BRD1: variants seen among roughly 807,000 people sequenced by gnomAD.
BRD1 encodes bromodomain-containing protein 1.
A neutral mutation model predicts 107.7 loss-of-function variants in BRD1; 24 were observed. The observed-to-expected ratio is 0.22, with a 90% CI of 0.16 to 0.31. The LOEUF is 0.31. Ranked by LOEUF, BRD1 falls within the 10% of genes least tolerant of loss-of-function variation. The pLI is 1.00. For synonymous variants in BRD1, 744 were observed against 686.1 expected, an observed-to-expected ratio of 1.08 and a Z score of -1.32; for missense variants, 1,279 against 1,638.6, an observed-to-expected ratio of 0.78 and a Z score of 3.79.
intron 2 of BRD1, 82 bp from the exon 3 acceptor site, chr22:49,804,442 G>A: frequency 6.9e-7 from 1 of 1,447,224 alleles, no homozygotes; most frequent in Non-Finnish European, 9.3e-7. Context: ...CAGTACTACT[G>A]CTAACAAAAC....
chr22:49,822,959 G>C lies in BRD1; in HGVS notation c.1359C>G (p.Pro453=), dbSNP rs375719349. The part of the protein sequence containing the change: ...VLPTVCAPYI[P]PQRLNRIANQ... Reference sequence around the variant, plus strand: ...TGCTTGGACACGCTTACCTCTGCGGGGGAATATAAGGAGCGCACACGGTCG... The same window carrying C: ...TGCTTGGACACGCTTACCTCTGCGGCGGAATATAAGGAGCGCACACGGTCG... Residue 453 remains proline, a synonymous_variant, in exon 2 of 13, where the codon CCC becomes CCG. Transcript: ENST00000404760. 3 of 1,613,738 alleles carry C rather than the reference G, an allele frequency of 1.9e-6. No homozygotes were observed. Among genetic ancestry groups the C allele is most frequent in the African/African-American group, 1.3e-5 (1 of 74,842 alleles).
At chr22:49,782,470 G>A (rs1029689992) in intron 8 of BRD1, among the ~76,000 whole-genome samples, 2 of 140,576 alleles carry the variant, frequency 1.4e-5, no homozygotes, top group Non-Finnish European at 3.1e-5. Context: ...TGCCGCTGGG[G>A]ACAGTCAGAG....
intron 2 of BRD1, chr22:49,818,406 T>A (rs754339337): frequency 1.7e-5 from 19 of 1,117,286 alleles, no homozygotes; most frequent in South Asian, 2.0e-5. Flanking sequence ...TTAAACAGAT[T>A]ATGCGTGTAT....
chr22:49,800,078 A>T (rs2047020468), intron 3 of BRD1, among the ~76,000 whole-genome samples: 1 of 152,178 alleles, frequency 6.6e-6, no homozygotes. Flanking sequence ...CACAGCCCTG[A>T]GACCCTCCTC....
chr22:49,805,008 T>C (rs912549306), intron 2 of BRD1, among the ~76,000 whole-genome samples: 3 of 152,186 alleles, frequency 2.0e-5, no homozygotes, highest in Non-Finnish European at 4.4e-5. Context: ...TTCAACCACA[T>C]CTGTGTCAGC....
intron 11 of BRD1, 58 bp downstream of exon 11, chr22:49,775,992 G>T: frequency 7.1e-7 from 1 of 1,411,720 alleles, no homozygotes; most frequent in Non-Finnish European, 9.5e-7. Flanking sequence ...GACCACCCCC[G>T]CCCCGCAGCT....
Position 49,804,311 on chromosome 22 carries a change from C to T in BRD1, c.1417G>A (p.Val473Met), listed in dbSNP as rs1371817746. The change falls in exon 3 of 13, where the codon GTG becomes ATG. Residue 473 changes from valine (V) to methionine (M), a missense_variant. Physicochemically the swap from Val to Met is conservative, Grantham distance 21. Coordinates refer to ENST00000404760, the MANE Select transcript of BRD1 (RefSeq NM_001304808.3). ...AGCCAGTAGCTGTGGGCTCGCTCCA[C>T]AAACTGCTTCTTCCGCTGAATGGCC... ...QVAIQRKKQF[V>M]ERAHSYWLLK... is the part of the protein sequence containing the mutation. The T allele has an allele frequency of 8.7e-6, 14 of 1,610,300 alleles. No individual in the cohort carries two copies. In the Admixed American group the frequency reaches 2.4e-4, roughly 27 times the overall value.
chr22:49,823,263 A>G lies in BRD1; in HGVS notation c.1055T>C (p.Val352Ala). The G allele has an allele frequency of 2.5e-6, 4 of 1,614,216 alleles. No individual in the cohort carries two copies. Among genetic ancestry groups the G allele is most frequent in the Non-Finnish European group, 3.4e-6 (4 of 1,180,040 alleles). ...HKANCYTAFH[V>A]TCAQKAGLYM... ...CAGGCCAGCCTTCTGGGCACACGTC[A>G]CATGGAATGCTGTGTAGCAGTTTGC... The change falls in exon 2 of 13, where the codon GTG becomes GCG. Residue 352 changes from valine to alanine, a missense_variant. Coordinates refer to ENST00000404760, the MANE Select transcript of BRD1 (RefSeq NM_001304808.3).
At chr22:49,821,720 A>G (rs1425462612) in intron 2 of BRD1, among the ~76,000 whole-genome samples, 2 of 152,050 alleles carry the variant, frequency 1.3e-5, no homozygotes, top group African/African-American at 2.4e-5. Flanking sequence ...CTCAGCCTGC[A>G]TGCGTCCCAC....
At chr22:49,817,189 G>A (rs2059969284) in intron 2 of BRD1, 2 of 153,020 alleles carry the variant, frequency 1.3e-5, no homozygotes, top group Admixed American at 1.3e-4. Context: ...CTCAGAAGGG[G>A]TGCAGAGCCA....
In BRD1 at chr22:49,774,223, G is replaced by T. The variant is rs371502917; in HGVS notation, c.*10C>A. 2 of 1,610,722 alleles carry T rather than the reference G, an allele frequency of 1.2e-6. No individual in the cohort carries two copies. The highest frequency in any genetic ancestry group is 3.3e-5 in the Admixed American group (2 of 59,740). ...CACTATGGACAAGACCCGCGCTGGC[G>T]GCCGGGCCGTCAGTCAATGTCACTG... On this transcript the variant is annotated 3_prime_UTR_variant, in exon 13 of 13. Coordinates refer to ENST00000404760, the MANE Select transcript of BRD1 (RefSeq NM_001304808.3).
In BRD1 at chr22:49,823,704, C is replaced by T; in HGVS notation, c.614G>A (p.Gly205Asp). The part of the protein sequence containing the change: ...KESHCENQKQ[G>D]EQQSLIDEDA... ...CTCGTCGATCAGAGACTGCTGCTCGCCCTGCTTCTGGTTCTCGCAGTGCGA... is the reference window on the plus strand; with the variant it reads ...CTCGTCGATCAGAGACTGCTGCTCGTCCTGCTTCTGGTTCTCGCAGTGCGA... The change falls in exon 2 of 13, where the codon GGC becomes GAC. Residue 205 changes from glycine to aspartate, a missense_variant. Gly to Asp is a moderately conservative substitution (Grantham distance 94, BLOSUM62 -1). Coordinates refer to ENST00000404760, the MANE Select transcript of BRD1 (RefSeq NM_001304808.3). The T allele has an allele frequency of 6.2e-7, 1 of 1,613,914 alleles. No homozygotes were observed. Among genetic ancestry groups the T allele is most frequent in the Non-Finnish European group, 8.5e-7 (1 of 1,179,958 alleles).
chr22:49,798,465 G>GT (rs2059577654), intron 5 of BRD1, 93 bp downstream of exon 5: 1 of 1,574,060 alleles, frequency 6.4e-7, no homozygotes. Context: ...CACAAGGGAT[G>GT]TACTCTAGCC....
At position 49,784,077 on chromosome 22, in the gene BRD1, C is replaced by T. The variant is rs375819838; in HGVS notation, c.2857+3313G>A. 1.4e-4 allele frequency among the ~76,000 whole-genome samples: 21 copies of T among 152,294 alleles called. No homozygotes were observed. The East Asian group carries it at 3.7e-3, about 27-fold the overall frequency. On this transcript the variant is annotated intron_variant, in intron 8 of 12. Transcript: ENST00000404760. Reference sequence around the variant, plus strand: ...GAAGGACACTGAAGACACCCCCGCGCTCTCACGCCCCAGCACGTGCACATG... The same window carrying T: ...GAAGGACACTGAAGACACCCCCGCGTTCTCACGCCCCAGCACGTGCACATG...
Position 49,783,002 on chromosome 22 carries a change from T to C in BRD1, c.2857+4388A>G, listed in dbSNP as rs2059243192. Among the ~76,000 whole-genome samples, 2 of 142,928 alleles carry C rather than the reference T, an allele frequency of 1.4e-5. No homozygotes were observed. Among genetic ancestry groups the C allele is most frequent in the South Asian group, 4.8e-4 (2 of 4,210 alleles). The allele number at this position is 142,928 out of a possible 152,430, so 93.8% of individuals were successfully genotyped here. A position where few individuals can be genotyped will look rare whatever the true frequency, so the allele number is the denominator to read the frequency against. The stretch of plus-strand genomic sequence containing the variant: ...CTTGCTGGGACCTGCTCCATGACAA[T>C]GCAGCTGGGACGGTCAGAGACAGAC... On this transcript the variant is annotated intron_variant, in intron 8 of 12. Coordinates refer to ENST00000404760, the MANE Select transcript of BRD1 (RefSeq NM_001304808.3). The surrounding 1 kb of genome is among the most constrained non-coding windows in gnomAD (Gnocchi z 4.2).
At chr22:49,807,431 G>A (rs1162357455) in intron 2 of BRD1, among the ~76,000 whole-genome samples, 1 of 152,190 alleles carries the variant, frequency 6.6e-6, no homozygotes, top group Admixed American at 6.5e-5. Context: ...TATAGACCAT[G>A]GGAATAGCAG....
At chr22:49,802,968 CG>C (rs933420437) in intron 3 of BRD1, among the ~76,000 whole-genome samples, 38 of 152,352 alleles carry the variant, frequency 2.5e-4, no homozygotes, top group Non-Finnish European at 2.2e-4. Flanking sequence ...CAGACCTGCC[CG>C]GGGAGCCCCA....
At chr22:49,818,283 TAGA>T (rs1332400618) in intron 2 of BRD1, 3 of 1,278,904 alleles carry the variant, frequency 2.3e-6, no homozygotes, top group East Asian at 5.6e-5. Context: ...GAGCTCCTCC[TAGA>T]AGATCTGAAG....
At chr22:49,774,850 C>A (rs756271361) in intron 12 of BRD1, among the ~76,000 whole-genome samples, 20 of 152,206 alleles carry the variant, frequency 1.3e-4, no homozygotes, top group Admixed American at 2.6e-4. Flanking sequence ...AGGCAGAGGT[C>A]GAGGCAAGGA....
Sources: allele counts gnomAD v4.1 joint callset (sites outside exome capture counted in the v4.1 genomes callset), GRCh38; gene constraint gnomAD v4.1.1; non-coding constraint Gnocchi (gnomAD v3.1); transcripts MANE v1.5; gene names NCBI Gene and HGNC (gene_info 2026-07-23, HGNC 2026-07-21).